The following CHODL variants were observed in gnomAD, a reference collection of about 807,000 sequenced individuals.
CHODL encodes the protein transmembrane protein MT75.
CHODL carries 29 observed loss-of-function variants against 34.5 expected under a neutral mutation model. That is an observed-to-expected ratio of 0.84 (90% CI 0.63 to 1.15). The LOEUF is 1.15. Ranked by LOEUF, CHODL falls within the 50% of genes most tolerant of loss-of-function variation. The pLI, the probability that CHODL is intolerant of heterozygous loss-of-function variation, is 0.00. For missense variants in CHODL, 332 were observed against 332.5 expected, an observed-to-expected ratio of 1.00 and a Z score of 0.01; for synonymous variants, 125 against 116.1, an observed-to-expected ratio of 1.08 and a Z score of -0.49.
intron 1 of CHODL, among the ~76,000 whole-genome samples, chr21:17,950,695 C>CT (rs1455516209): frequency 6.6e-6 from 1 of 152,130 alleles, no homozygotes; most frequent in African/African-American, 2.4e-5. Context: ...AGGAGCAAGT[C>CT]TATCATTGGT....
chr21:18,265,175 A>G (rs746914601), intron 5 of CHODL, among the ~76,000 whole-genome samples: 1 of 149,492 alleles, frequency 6.7e-6, no homozygotes, highest in East Asian at 1.9e-4. Context: ...TGTGGTATAT[A>G]TATGTATATA....
intron 2 of CHODL, among the ~76,000 whole-genome samples, chr21:18,070,823 G>A (rs1020174453): frequency 2.0e-5 from 3 of 151,406 alleles, no homozygotes; most frequent in African/African-American, 4.9e-5. Flanking sequence ...TTCTAAATCT[G>A]TCTCTCTCAA....
intron 2 of CHODL, among the ~76,000 whole-genome samples, chr21:18,041,153 A>G (rs990696236): frequency 1.3e-5 from 2 of 151,900 alleles, no homozygotes; most frequent in Admixed American, 6.6e-5. Flanking sequence ...GGTTGGACCT[A>G]TGAAAGTCAT....
intron 2 of CHODL, among the ~76,000 whole-genome samples, chr21:18,053,524 T>C (rs555963620): frequency 1.5e-4 from 23 of 151,938 alleles, no homozygotes; most frequent in Non-Finnish European, 2.8e-4. Flanking sequence ...GCAAATGACA[T>C]TAATATTTTA....
intron 1 of CHODL, among the ~76,000 whole-genome samples, chr21:17,993,739 G>A (rs941745695): frequency 6.6e-6 from 1 of 152,172 alleles, no homozygotes; most frequent in Non-Finnish European, 1.5e-5. Flanking sequence ...ATCCAGTAAT[G>A]GGATGGATAG....
At chr21:18,215,458 T>C (rs1485405175) in intron 2 of CHODL, among the ~76,000 whole-genome samples, 2 of 152,216 alleles carry the variant, frequency 1.3e-5, no homozygotes, top group Non-Finnish European at 2.9e-5. Context: ...GTCTTGACGA[T>C]ATCTTTTGAA....
chr21:18,091,054 G>A (rs898961240), intron 2 of CHODL, among the ~76,000 whole-genome samples: 1 of 152,222 alleles, frequency 6.6e-6, no homozygotes, highest in Non-Finnish European at 1.5e-5. Flanking sequence ...GGAAAGCACA[G>A]CACCTGGGGG....
At chr21:18,160,508 A>C (rs1883952613) in intron 2 of CHODL, among the ~76,000 whole-genome samples, 1 of 151,944 alleles carries the variant, frequency 6.6e-6, no homozygotes. Context: ...CCCCTTCCAA[A>C]AGGCCCCAGG....
At chr21:18,196,173 G>A (rs1453257608) in intron 2 of CHODL, among the ~76,000 whole-genome samples, 1 of 152,088 alleles carries the variant, frequency 6.6e-6, no homozygotes, top group Non-Finnish European at 1.5e-5. Context: ...TCTCTATTTT[G>A]AACTGTAACA....
chr21:18,129,686 A>G (rs1391194742), intron 2 of CHODL, among the ~76,000 whole-genome samples: 2 of 152,176 alleles, frequency 1.3e-5, no homozygotes, highest in Non-Finnish European at 2.9e-5. Flanking sequence ...TCCATTAAAA[A>G]TTATTTGCAG....
intron 1 of CHODL, among the ~76,000 whole-genome samples, chr21:17,975,510 T>A (rs1164152791): frequency 6.6e-6 from 1 of 152,170 alleles, no homozygotes; most frequent in African/African-American, 2.4e-5. Context: ...GGCTGATTCC[T>A]GCCTATTTTT....
At chr21:18,094,146 A>T (rs1376332240) in intron 2 of CHODL, among the ~76,000 whole-genome samples, 5 of 152,184 alleles carry the variant, frequency 3.3e-5, no homozygotes, top group African/African-American at 7.2e-5. Flanking sequence ...ATAATGATAA[A>T]AGGATCAATT....
chr21:18,254,773 T>C (rs2074296818), intron 1 of CHODL, among the ~76,000 whole-genome samples: 1 of 152,180 alleles, frequency 6.6e-6, no homozygotes, highest in Non-Finnish European at 1.5e-5. Flanking sequence ...TATACGACTT[T>C]ATTATGACCT....
intron 1 of CHODL, among the ~76,000 whole-genome samples, chr21:17,951,400 G>C (rs953174473): frequency 6.6e-6 from 1 of 152,166 alleles, no homozygotes; most frequent in South Asian, 2.1e-4. Context: ...CGTAAGGACA[G>C]AGCGTCATCA....
At chr21:18,102,015 C>T (rs762408767) in intron 2 of CHODL, among the ~76,000 whole-genome samples, 14 of 152,034 alleles carry the variant, frequency 9.2e-5, no homozygotes, top group Non-Finnish European at 1.6e-4. Flanking sequence ...GTCCAAGAAT[C>T]AATACTGATT....
At chr21:18,095,869 A>AATAT (rs1373348762) in intron 2 of CHODL, among the ~76,000 whole-genome samples, 1 of 152,202 alleles carries the variant, frequency 6.6e-6, no homozygotes, top group Non-Finnish European at 1.5e-5. Context: ...CAATGAATGT[A>AATAT]ATATATCATC....
chr21:17,959,955 C>G (rs1014311734), intron 1 of CHODL, among the ~76,000 whole-genome samples: 1 of 152,088 alleles, frequency 6.6e-6, no homozygotes, highest in African/African-American at 2.4e-5. Flanking sequence ...TCTAACACTT[C>G]AGTGGTATCA....
In CHODL at chr21:17,919,414, C is replaced by T. The variant is rs144066940; in HGVS notation, c.-145+2014C>T. On this transcript the variant is annotated intron_variant, in intron 1 of 6. Coordinates refer to the CHODL transcript ENST00000400127. ...CTGTGCACCTGCAGACTCAATACCA[C>T]GTGGAAGCTACCAAGGTTTGGGATT... Among the ~76,000 whole-genome samples the T allele has an allele frequency of 8.0e-3, 1,215 of 152,320 alleles. 19 individuals are homozygous for T. Among genetic ancestry groups the T allele is most frequent in the African/African-American group, 0.027 (1,120 of 41,566 alleles).
chr21:18,037,565 A>G (rs542609462), intron 2 of CHODL, among the ~76,000 whole-genome samples: 142 of 151,980 alleles, frequency 9.3e-4, no homozygotes, highest in African/African-American at 3.3e-3. Flanking sequence ...TAACATAATG[A>G]TAGAAGTAGT....
Sources: allele counts gnomAD v4.1 joint callset (sites outside exome capture counted in the v4.1 genomes callset), GRCh38; gene constraint gnomAD v4.1.1; transcripts MANE v1.5; gene names NCBI Gene and HGNC (gene_info 2026-07-23, HGNC 2026-07-21).